Variants in CHD1L observed in about 807,000 individuals in gnomAD.
CHD1L encodes ATP-dependent chromatin remodeler CHD1L.
In CHD1L, 118 loss-of-function variants were observed where a neutral mutation model predicts 115.9. The observed-to-expected ratio is 1.02, with a 90% CI of 0.88 to 1.19. CHD1L has a LOEUF of 1.19. Ranked by LOEUF, CHD1L falls within the 50% of genes most tolerant of loss-of-function variation. The probability of loss-of-function intolerance (pLI) is 0.00; values close to 1 mark genes in which losing one functional copy is unlikely to be tolerated. For missense variants in CHD1L, 1,179 were observed against 1,065.3 expected, an observed-to-expected ratio of 1.11 and a Z score of -1.49; for synonymous variants, 411 against 387.1, an observed-to-expected ratio of 1.06 and a Z score of -0.72.
intron 19 of CHD1L, 22 bp from the exon 20 acceptor site, chr1:147,291,460 G>A: frequency 1.3e-6 from 2 of 1,593,562 alleles, no homozygotes; most frequent in Non-Finnish European, 1.7e-6. Flanking sequence ...TCTTTATGTT[G>A]CTCCTTTCTG....
chr1:147,215,906 A>G, the CHD1L span: 1 of 1,612,210 alleles, frequency 6.2e-7, no homozygotes. Flanking sequence ...ATGATCACTG[A>G]TTTGTAAATA....
the CHD1L span, among the ~76,000 whole-genome samples, chr1:147,206,635 C>T: frequency 1.3e-5 from 2 of 151,996 alleles, no homozygotes; most frequent in African/African-American, 4.8e-5. Flanking sequence ...AAGCTAGAAA[C>T]CATCATTCTC....
At chr1:147,244,530 A>C (rs1553932883) in intron 1 of CHD1L, among the ~76,000 whole-genome samples, 1 of 152,186 alleles carries the variant, frequency 6.6e-6, no homozygotes, top group African/African-American at 2.4e-5. Context: ...TTTTCAGTAA[A>C]ACATTCAGGG....
the CHD1L span, among the ~76,000 whole-genome samples, chr1:147,228,021 T>TTTA: frequency 2.4e-4 from 37 of 151,598 alleles, no homozygotes; most frequent in South Asian, 2.1e-4. Flanking sequence ...TTTTTTTTTT[T>TTTA]ATCATACTTT....
the CHD1L span, among the ~76,000 whole-genome samples, chr1:147,188,644 G>C: frequency 1.3e-5 from 2 of 150,844 alleles, no homozygotes; most frequent in Non-Finnish European, 2.9e-5. Flanking sequence ...TATACACATA[G>C]TCGGCCTTTA....
At position 147,265,957 on chromosome 1, in the gene CHD1L, G is replaced by T; in HGVS notation, c.765G>T (p.Gln255His). 1 of 1,612,666 alleles carries T rather than the reference G, an allele frequency of 6.2e-7. No homozygotes were observed. Among genetic ancestry groups the T allele is most frequent in the African/African-American group, 1.3e-5 (1 of 74,912 alleles). The change falls in exon 8 of 23, where the codon CAG becomes CAT. Residue 255 changes from glutamine to histidine, a missense_variant. Coordinates refer to ENST00000369258, the MANE Select transcript of CHD1L (RefSeq NM_004284.6). Reference protein sequence around the residue: ...ESASELHKLLQPFLLRRVKAE... With the variant: ...ESASELHKLLHPFLLRRVKAE... ...CAAGTGAACTGCACAAACTCTTGCA[G>T]CCATTTCTGCTGAGGCGAGTGAAAG...
chr1:147,260,849 A>G (rs1250453868), intron 6 of CHD1L: 1 of 151,910 alleles, frequency 6.6e-6, no homozygotes, highest in African/African-American at 2.4e-5. Context: ...TGTACCCTAG[A>G]TGGGCCCTTT....
intron 6 of CHD1L, chr1:147,260,189 C>T (rs961499230): frequency 5.8e-5 from 16 of 277,442 alleles, no homozygotes; most frequent in Non-Finnish European, 9.7e-5. Flanking sequence ...AGTTTACATT[C>T]GGGTTCACTC....
At chr1:147,179,561 A>G in the CHD1L span, 3 of 1,588,498 alleles carry the variant, frequency 1.9e-6, no homozygotes, top group South Asian at 3.3e-5. Flanking sequence ...TACAACGAGA[A>G]GCTACAAACC....
At chr1:147,257,405 G>A (rs1276931380) in intron 5 of CHD1L, among the ~76,000 whole-genome samples, 1 of 151,998 alleles carries the variant, frequency 6.6e-6, no homozygotes, top group Admixed American at 6.6e-5. Flanking sequence ...TTTCATTTAA[G>A]TGAGCATATT....
chr1:147,208,143 G>C, the CHD1L span, among the ~76,000 whole-genome samples: 1 of 152,096 alleles, frequency 6.6e-6, no homozygotes, highest in African/African-American at 2.4e-5. Context: ...TCCTCAGAAA[G>C]GTGAGTGTTA....
chr1:147,287,776 G>A, intron 19 of CHD1L, 43 bp downstream of exon 19: 1 of 1,534,390 alleles, frequency 6.5e-7, no homozygotes, highest in Non-Finnish European at 9.0e-7. Flanking sequence ...TGGAATAAGA[G>A]AGAAGAGGAC....
the CHD1L span, chr1:147,203,806 T>A: frequency 6.5e-7 from 1 of 1,550,248 alleles, no homozygotes; most frequent in Non-Finnish European, 8.9e-7. Context: ...AGCCCCGAAG[T>A]ACTATGGTAG....
chr1:147,292,536 T>C lies in CHD1L; in HGVS notation c.2391+984T>C, dbSNP rs146250336. ...ACTGTGTTAGGCTGTTTTTGCACTG[T>C]GATAAAAGAATTCCCTGAGACTGGG... On this transcript the variant is annotated intron_variant, in intron 20 of 22. Transcript: ENST00000369258. 5.9e-3 allele frequency among the ~76,000 whole-genome samples: 899 copies of C among 152,322 alleles called. 5 individuals carry two copies. Among genetic ancestry groups the C allele is most frequent in the Non-Finnish European group, 9.4e-3 (636 of 68,016 alleles).
the CHD1L span, chr1:147,223,948 AC>A: frequency 2.6e-6 from 1 of 379,848 alleles, no homozygotes; most frequent in South Asian, 2.0e-5. Context: ...CCATCGAGAC[AC>A]CACCCGTCTT....
At chr1:147,285,740 C>A (rs1682847174) in intron 17 of CHD1L, among the ~76,000 whole-genome samples, 1 of 152,116 alleles carries the variant, frequency 6.6e-6, no homozygotes, top group Admixed American at 6.5e-5. Flanking sequence ...GCTCTGTTAC[C>A]CAGGCTGGAG....
At chr1:147,226,395 TG>T in the CHD1L span, among the ~76,000 whole-genome samples, 1 of 152,188 alleles carries the variant, frequency 6.6e-6, no homozygotes, top group Non-Finnish European at 1.5e-5. Context: ...TACAGATTAG[TG>T]GAGGAGACCA....
the CHD1L span, among the ~76,000 whole-genome samples, chr1:147,213,089 T>C: frequency 2.0e-5 from 3 of 152,318 alleles, no homozygotes; most frequent in South Asian, 2.1e-4. Context: ...ACTAAAGTCA[T>C]TGTAAAACTA....
At chr1:147,254,824 C>A in intron 2 of CHD1L, 46 bp from the exon 3 acceptor site, 1 of 1,376,476 alleles carries the variant, frequency 7.3e-7, no homozygotes, top group South Asian at 1.4e-5. Flanking sequence ...GGTTGTTTCT[C>A]ATGGGGAAAT....
Sources: allele counts gnomAD v4.1 joint callset (sites outside exome capture counted in the v4.1 genomes callset), GRCh38; gene constraint gnomAD v4.1.1; transcripts MANE v1.5; gene names NCBI Gene and HGNC (gene_info 2026-07-23, HGNC 2026-07-21).